CTNNA3: variants seen among roughly 807,000 people sequenced by gnomAD.
CTNNA3 encodes catenin alpha-3.
In CTNNA3, 76 loss-of-function variants were observed where a neutral mutation model predicts 95.7. The observed-to-expected ratio is 0.79, with a 90% CI of 0.66 to 0.96. CTNNA3 has a LOEUF of 0.96. CTNNA3 is among the 40% of genes least tolerant of loss of function. The probability of loss-of-function intolerance (pLI) is 0.00; values close to 1 mark genes in which losing one functional copy is unlikely to be tolerated. For synonymous variants in CTNNA3, 431 were observed against 374.4 expected (o/e 1.15, Z -1.74); for missense variants, 1,191 against 1,089.8 (o/e 1.09, Z -1.31).
intron 9 of CTNNA3, among the ~76,000 whole-genome samples, chr10:66,692,938 GC>G (rs1291872887): frequency 6.6e-6 from 1 of 152,104 alleles, no homozygotes; most frequent in Non-Finnish European, 1.5e-5. Context: ...CACCAGGCCT[GC>G]CCTAAAAGAG....
chr10:67,004,469 T>C (rs7073070), intron 7 of CTNNA3, among the ~76,000 whole-genome samples: 3,977 of 150,736 alleles, frequency 0.026, 196 homozygotes, highest in African/African-American at 0.092. Context: ...TTCATCTCTG[T>C]TAGCTTTTTC....
intron 7 of CTNNA3, 117 bp from the exon 8 acceptor site, chr10:66,775,641 C>T (rs1438369887): frequency 4.3e-6 from 3 of 691,106 alleles, no homozygotes; most frequent in Non-Finnish European, 7.6e-6. Flanking sequence ...GGTTTCAAAA[C>T]TGCTATATTA....
chr10:67,240,291 T>G (rs1198030706), intron 5 of CTNNA3, among the ~76,000 whole-genome samples: 2 of 152,226 alleles, frequency 1.3e-5, no homozygotes, highest in African/African-American at 4.8e-5. Flanking sequence ...TCTGCCAAGA[T>G]GCTGCATACC....
At chr10:66,889,626 C>G (rs1171730840) in intron 7 of CTNNA3, among the ~76,000 whole-genome samples, 1 of 151,984 alleles carries the variant, frequency 6.6e-6, no homozygotes, top group Non-Finnish European at 1.5e-5. Flanking sequence ...GAATAAGAAA[C>G]AGCAAGATTG....
At chr10:66,613,190 T>C (rs985602574) in intron 10 of CTNNA3, among the ~76,000 whole-genome samples, 3 of 152,086 alleles carry the variant, frequency 2.0e-5, no homozygotes, top group African/African-American at 4.8e-5. Context: ...AAAGTCATTA[T>C]CTAATTTTTT....
chr10:66,123,266 A>C (rs2133823023), intron 13 of CTNNA3, among the ~76,000 whole-genome samples: 1 of 152,294 alleles, frequency 6.6e-6, no homozygotes, highest in Middle Eastern at 3.4e-3. Context: ...GGCTACAGGC[A>C]CCATGCAAGC....
At chr10:67,442,138 T>C (rs1490293297) in intron 5 of CTNNA3, among the ~76,000 whole-genome samples, 1 of 152,142 alleles carries the variant, frequency 6.6e-6, no homozygotes, top group East Asian at 1.9e-4. Context: ...GCAATCAGTG[T>C]TAAGTTGTTA....
chr10:65,924,738 A>C (rs1376340742), intron 17 of CTNNA3, among the ~76,000 whole-genome samples: 1 of 152,200 alleles, frequency 6.6e-6, no homozygotes, highest in Non-Finnish European at 1.5e-5. Flanking sequence ...TAATAAAGAC[A>C]TACCTGAGAC....
intron 13 of CTNNA3, among the ~76,000 whole-genome samples, chr10:66,175,181 C>A (rs1285450644): frequency 6.6e-6 from 1 of 151,864 alleles, no homozygotes; most frequent in East Asian, 1.9e-4. Context: ...CACACATGCA[C>A]ACACACACAC....
At chr10:66,025,960 C>T (rs572494374) in intron 15 of CTNNA3, among the ~76,000 whole-genome samples, 50 of 152,264 alleles carry the variant, frequency 3.3e-4, no homozygotes, top group African/African-American at 9.9e-4. Flanking sequence ...TGTGCACACA[C>T]GCACACTCAA....
At position 67,586,272 on chromosome 10, in the gene CTNNA3, C is replaced by T. The variant is rs143281421; in HGVS notation, c.292+20585G>A. 1.1e-4 allele frequency among the ~76,000 whole-genome samples: 17 copies of T among 152,110 alleles called. 1 individual carries two copies. The East Asian group carries it at 2.9e-3, about 26-fold the overall frequency. ...GTCTATCTTGGAGAACATTCCATTG[C>T]TAATGTAAAGAGTGTGTATTCTCCA... is the stretch of plus-strand genomic sequence containing the variant. On this transcript the variant is annotated intron_variant, in intron 3 of 17. Coordinates refer to ENST00000433211, the MANE Select transcript of CTNNA3 (RefSeq NM_013266.4).
intron 9 of CTNNA3, among the ~76,000 whole-genome samples, chr10:66,748,830 G>A (rs1297511989): frequency 5.9e-5 from 9 of 151,782 alleles, no homozygotes; most frequent in Non-Finnish European, 8.8e-5. Context: ...TGTTACAATC[G>A]ATGAACACTG....
chr10:66,675,080 G>A (rs1846802469), intron 9 of CTNNA3, among the ~76,000 whole-genome samples: 1 of 151,910 alleles, frequency 6.6e-6, no homozygotes, highest in South Asian at 2.1e-4. Flanking sequence ...TTCAAATGGG[G>A]GTTAAACAAC....
At chr10:65,955,760 CT>C (rs2077716408) in intron 17 of CTNNA3, among the ~76,000 whole-genome samples, 1 of 152,054 alleles carries the variant, frequency 6.6e-6, no homozygotes, top group Non-Finnish European at 1.5e-5. Flanking sequence ...GGTGGATAAG[CT>C]TTTTGATGTG....
At chr10:67,699,189 CT>C (rs1242692692), upstream of CTNNA3, among the ~76,000 whole-genome samples, 1 of 152,158 alleles carries the variant, frequency 6.6e-6, no homozygotes, top group Non-Finnish European at 1.5e-5. Flanking sequence ...TGCCACAGGA[CT>C]TCTACCTGAA....
At chr10:67,761,875 CAAAAA>C (rs56264829) in intron 1 of CTNNA3, among the ~76,000 whole-genome samples, 1 of 132,614 alleles carries the variant, frequency 7.5e-6, no homozygotes. Flanking sequence ...AAGACTCCGT[CAAAAA>C]AAAAAAAAAG....
intron 7 of CTNNA3, among the ~76,000 whole-genome samples, chr10:67,030,043 A>T (rs932616230): frequency 3.9e-5 from 6 of 152,190 alleles, no homozygotes; most frequent in South Asian, 2.1e-4. Flanking sequence ...AATAAAATTA[A>T]TTTTTTTCTA....
At chr10:66,202,047 AAAGTG>A (rs1186402573) in intron 13 of CTNNA3, among the ~76,000 whole-genome samples, 1 of 152,056 alleles carries the variant, frequency 6.6e-6, no homozygotes, top group African/African-American at 2.4e-5. Flanking sequence ...CTGGCCTCCC[AAAGTG>A]CTGGGATTAT....
rs1007693652 is a variant in CTNNA3, at chr10:66,928,563, C to A, written c.1048-153039G>T. ...CGATGCCCCCCCTCCCCTTCCCTCT[C>A]CCTCTCACTTTGCTGGCAAGATCCT... is the stretch of plus-strand genomic sequence containing the variant. On this transcript the variant is annotated intron_variant, in intron 7 of 17. Transcript: ENST00000433211. The A allele has an allele frequency of 4.0e-6, 4 of 991,210 alleles. No homozygotes were observed. In the Admixed American group the frequency reaches 1.1e-4, roughly 28 times the overall value. 61.4% of individuals were successfully genotyped at this position (991,210 alleles called of 1,614,324 possible). A position where few individuals can be genotyped will look rare whatever the true frequency, so the allele number is the denominator to read the frequency against.
Sources: gnomAD v4.1 joint callset for allele counts (sites outside exome capture counted in the v4.1 genomes callset) on GRCh38, gnomAD v4.1.1 for gene constraint, MANE v1.5 for transcripts, NCBI Gene and HGNC (gene_info 2026-07-23, HGNC 2026-07-21) for gene names.